Variants in TTLL11 observed in about 807,000 individuals in gnomAD.
TTLL11 encodes the protein tubulin polyglutamylase TTLL11.
Under a neutral mutation model 51.7 loss-of-function variants are expected in TTLL11, and 42 were observed. The ratio of observed to expected loss-of-function variants is 0.81; its 90% CI spans 0.64 to 1.05. TTLL11 has a LOEUF of 1.05. TTLL11 is among the 50% of genes least tolerant of loss of function. TTLL11 has a pLI of 0.00. For missense variants in TTLL11, 799 were observed against 940.4 expected, an observed-to-expected ratio of 0.85 and a Z score of 1.97; for synonymous variants, 381 against 383.5, an observed-to-expected ratio of 0.99 and a Z score of 0.08.
At chr9:121,971,947 A>C (rs1842590329) in intron 6 of TTLL11, among the ~76,000 whole-genome samples, 1 of 151,972 alleles carries the variant, frequency 6.6e-6, no homozygotes, top group South Asian at 2.1e-4. Context: ...ACACATGAGC[A>C]CAGGGAGGGG....
At chr9:121,826,894 G>A (rs2119114257) in intron 8 of TTLL11, among the ~76,000 whole-genome samples, 1 of 152,154 alleles carries the variant, frequency 6.6e-6, no homozygotes, top group East Asian at 1.9e-4. Context: ...GACCTGTGGG[G>A]CAGGGAGGCA....
chr9:121,826,217 T>TATATACACACACACAC (rs1491163835), intron 8 of TTLL11, among the ~76,000 whole-genome samples: 1 of 58,114 alleles, frequency 1.7e-5, no homozygotes, highest in African/African-American at 7.4e-5. Flanking sequence ...TATATATATA[T>TATATACACACACACAC]GCACACATAT....
At position 121,817,717 on chromosome 9, in the gene TTLL11, G is replaced by A. The variant is rs374631369; in HGVS notation, c.*4870C>T. ...GTGCTGAGGCACCGTGCAGAACCGA[G>A]GAAGTGCCGAGGAAGGAGTGTGGGA... is the stretch of plus-strand genomic sequence containing the variant. On this transcript the variant is annotated 3_prime_UTR_variant, in exon 9 of 9. Transcript: ENST00000321582. 1.9e-4 allele frequency: 29 copies of A among 152,398 alleles called. No individual in the cohort carries two copies. The highest frequency in any genetic ancestry group is 3.4e-3 in the Middle Eastern group (1 of 294). 9.4% of individuals were successfully genotyped at this position (152,398 alleles called of 1,614,324 possible).
chr9:121,915,278 A>G (rs1412358782), intron 6 of TTLL11, among the ~76,000 whole-genome samples: 1 of 152,222 alleles, frequency 6.6e-6, no homozygotes, highest in African/African-American at 2.4e-5. Flanking sequence ...TCATGCTCAC[A>G]GGACTACATT....
chr9:121,982,367 A>C (rs1430603526), intron 4 of TTLL11, among the ~76,000 whole-genome samples: 1 of 152,164 alleles, frequency 6.6e-6, no homozygotes, highest in East Asian at 1.9e-4. Flanking sequence ...TCATCACCAG[A>C]AGCAAAAGTC....
At chr9:121,891,278 T>G (rs769490118) in intron 6 of TTLL11, among the ~76,000 whole-genome samples, 45 of 152,166 alleles carry the variant, frequency 3.0e-4, no homozygotes, top group Non-Finnish European at 5.7e-4. Context: ...CTTGAGAGTC[T>G]CCACTGCTTC....
intron 8 of TTLL11, among the ~76,000 whole-genome samples, chr9:121,854,480 T>TA (rs1250870581): frequency 1.3e-5 from 2 of 152,200 alleles, no homozygotes; most frequent in African/African-American, 4.8e-5. Flanking sequence ...CTTTAGCTTA[T>TA]ATCTTAAAAT....
intron 8 of TTLL11, among the ~76,000 whole-genome samples, chr9:121,836,293 G>A (rs1212311025): frequency 5.3e-5 from 8 of 152,268 alleles, no homozygotes; most frequent in African/African-American, 1.7e-4. Flanking sequence ...TAAAAAACCA[G>A]GGCAGATAAA....
At chr9:121,841,472 C>T (rs890011493) in intron 8 of TTLL11, among the ~76,000 whole-genome samples, 5 of 152,154 alleles carry the variant, frequency 3.3e-5, no homozygotes, top group African/African-American at 7.2e-5. Context: ...CTCCTCCCTT[C>T]GCAGATGTGA....
intron 3 of TTLL11, 140 bp downstream of exon 3, chr9:122,031,583 A>T: frequency 1.0e-6 from 1 of 955,224 alleles, no homozygotes; most frequent in Non-Finnish European, 1.5e-6. Flanking sequence ...ATAGCTGCCA[A>T]CACCTACTGT....
chr9:122,070,787 G>A (rs1845706108), intron 1 of TTLL11, among the ~76,000 whole-genome samples: 2 of 152,168 alleles, frequency 1.3e-5, no homozygotes, highest in African/African-American at 4.8e-5. Context: ...ATCGTGCCAG[G>A]GTGTGGAGGC....
intron 7 of TTLL11, among the ~76,000 whole-genome samples, chr9:121,863,694 G>A (rs1838089606): frequency 6.6e-6 from 1 of 152,218 alleles, no homozygotes; most frequent in South Asian, 2.1e-4. Flanking sequence ...GATTCTGTAG[G>A]CATTTCTTGG....
chr9:121,833,174 T>C (rs1361680684), intron 8 of TTLL11, among the ~76,000 whole-genome samples: 1 of 152,176 alleles, frequency 6.6e-6, no homozygotes, highest in Non-Finnish European at 1.5e-5. Context: ...CTGTTGAGTA[T>C]TTTTCTAAAC....
chr9:122,038,206 G>T (rs1205815932), intron 2 of TTLL11, among the ~76,000 whole-genome samples: 1 of 152,046 alleles, frequency 6.6e-6, no homozygotes, highest in African/African-American at 2.4e-5. Context: ...ATTTATTATG[G>T]CATTATAATA....
At chr9:122,029,584 G>C (rs1473099424) in intron 3 of TTLL11, among the ~76,000 whole-genome samples, 15 of 152,158 alleles carry the variant, frequency 9.9e-5, no homozygotes, top group Admixed American at 9.2e-4. Context: ...TTTTTGTACA[G>C]CTGTACAGTG....
chr9:121,992,925 A>G (rs1843154298), intron 3 of TTLL11, among the ~76,000 whole-genome samples: 2 of 152,264 alleles, frequency 1.3e-5, no homozygotes, highest in South Asian at 4.1e-4. Context: ...ACCACTACAA[A>G]TGAAATATTA....
intron 8 of TTLL11, among the ~76,000 whole-genome samples, chr9:121,828,241 C>T (rs1316575560): frequency 4.1e-5 from 6 of 145,332 alleles, no homozygotes; most frequent in Admixed American, 6.9e-5. Flanking sequence ...GGTGAGATCT[C>T]GGCTCATTGC....
intron 1 of TTLL11, among the ~76,000 whole-genome samples, chr9:122,084,418 C>A (rs999490978): frequency 2.0e-5 from 3 of 152,058 alleles, no homozygotes; most frequent in African/African-American, 7.2e-5. Flanking sequence ...TGGCAAGGCA[C>A]AATTTGATAC....
At chr9:121,929,585 C>T (rs1840889937) in intron 6 of TTLL11, among the ~76,000 whole-genome samples, 1 of 148,290 alleles carries the variant, frequency 6.7e-6, no homozygotes, top group Non-Finnish European at 1.5e-5. Flanking sequence ...ATGCTGAGGC[C>T]ATTTGCAGGG....
Sources: allele counts gnomAD v4.1 joint callset (sites outside exome capture counted in the v4.1 genomes callset), GRCh38; gene constraint gnomAD v4.1.1; transcripts MANE v1.5; gene names NCBI Gene and HGNC (gene_info 2026-07-23, HGNC 2026-07-21).